DOK6: variants seen among roughly 807,000 people sequenced by gnomAD.
The protein encoded by DOK6 is docking protein 6.
In DOK6, 22 loss-of-function variants were observed where a neutral mutation model predicts 44.0. The observed-to-expected ratio is 0.50, with a 90% confidence interval of 0.36 to 0.71. The LOEUF (loss-of-function observed/expected upper bound fraction) is 0.71, where lower values mean the gene tolerates loss of function less well. Among genes scored for constraint, DOK6 ranks in the 30% least tolerant of loss-of-function variants. The pLI is 0.00. For missense variants in DOK6, 340 were observed against 416.4 expected, an observed-to-expected ratio of 0.82 and a Z score of 1.60; for synonymous variants, 166 against 145.5, an observed-to-expected ratio of 1.14 and a Z score of -1.01.
intron 3 of DOK6, among the ~76,000 whole-genome samples, chr18:69,665,919 A>G (rs911638485): frequency 6.6e-6 from 1 of 151,936 alleles, no homozygotes; most frequent in African/African-American, 2.4e-5. Context: ...CTTTTCCCTG[A>G]ACCATTTCTC....
At chr18:69,539,468 T>A (rs1449185602) in intron 1 of DOK6, among the ~76,000 whole-genome samples, 1 of 19,376 alleles carries the variant, frequency 5.2e-5, no homozygotes, top group African/African-American at 6.9e-5. Context: ...CAAAAACAGC[T>A]TTTTTTTTTT....
chr18:69,541,970 T>C (rs757235696), intron 1 of DOK6, among the ~76,000 whole-genome samples: 1 of 151,128 alleles, frequency 6.6e-6, no homozygotes, highest in Non-Finnish European at 1.5e-5. Context: ...AGAAAGGGAG[T>C]TGACAAGTAG....
chr18:69,539,154 A>G (rs1982200060), intron 1 of DOK6, among the ~76,000 whole-genome samples: 1 of 152,194 alleles, frequency 6.6e-6, no homozygotes, highest in African/African-American at 2.4e-5. Context: ...ATCCTGAAAT[A>G]CAAACATGAT....
rs1983517959 is a variant in DOK6, at chr18:69,586,999, T to A, written c.175-12385T>A. Among the ~76,000 whole-genome samples, 3 of 152,172 alleles carry A rather than the reference T, an allele frequency of 2.0e-5. No individual in the cohort carries two copies. The South Asian group carries it at 6.2e-4, about 32-fold the overall frequency. On this transcript the variant is annotated intron_variant, in intron 2 of 7. Transcript: ENST00000382713. ...AATAAGCAGGGATGTATCCCTTGCT[T>A]TTAAAGAAACAAATATCTTACTGGA...
chr18:69,652,267 A>T (rs924694433), intron 3 of DOK6, among the ~76,000 whole-genome samples: 6 of 152,274 alleles, frequency 3.9e-5, no homozygotes, highest in Non-Finnish European at 8.8e-5. Context: ...TAATATAAAA[A>T]GTACCTATTT....
chr18:69,565,519 GTGTATATA>G (rs1378212620), intron 2 of DOK6, among the ~76,000 whole-genome samples: 1,578 of 5,784 alleles, frequency 0.27, 32 homozygotes, highest in Admixed American at 0.47. Flanking sequence ...GTGTGTGTGT[GTGTATATA>G]TATATACATA....
intron 3 of DOK6, among the ~76,000 whole-genome samples, chr18:69,602,516 G>C (rs1983895902): frequency 6.6e-6 from 1 of 152,152 alleles, no homozygotes; most frequent in African/African-American, 2.4e-5. Context: ...ATGGGATCTT[G>C]AAACCAAAAG....
chr18:69,591,067 A>G (rs4359551), intron 2 of DOK6, among the ~76,000 whole-genome samples: 116,157 of 152,140 alleles, frequency 0.76, 47,335 homozygotes, highest in Non-Finnish European at 0.91. Context: ...GCTCCAAACA[A>G]TAGTAGCAGT....
At chr18:69,717,570 G>C (rs1403125706) in intron 5 of DOK6, among the ~76,000 whole-genome samples, 2 of 152,186 alleles carry the variant, frequency 1.3e-5, no homozygotes, top group African/African-American at 2.4e-5. Context: ...GCTCCAGGGG[G>C]CCACAAAGAG....
intron 1 of DOK6, among the ~76,000 whole-genome samples, chr18:69,429,449 A>G (rs1188807128): frequency 6.6e-6 from 1 of 151,694 alleles, no homozygotes. Context: ...TGGATATTTT[A>G]TATTTCTATC....
intron 3 of DOK6, among the ~76,000 whole-genome samples, chr18:69,648,629 A>G (rs1985144418): frequency 6.6e-6 from 1 of 152,216 alleles, no homozygotes; most frequent in African/African-American, 2.4e-5. Context: ...TAAGTGTACT[A>G]AATATCGTCT....
chr18:69,498,047 C>T (rs568486016), intron 1 of DOK6, among the ~76,000 whole-genome samples: 28 of 152,010 alleles, frequency 1.8e-4, no homozygotes, highest in African/African-American at 5.1e-4. Flanking sequence ...TCTCTCTCCA[C>T]GCACACACAA....
At chr18:69,650,916 T>G (rs1341689770) in intron 3 of DOK6, among the ~76,000 whole-genome samples, 1 of 152,250 alleles carries the variant, frequency 6.6e-6, no homozygotes, top group African/African-American at 2.4e-5. Flanking sequence ...ATTTTATTCA[T>G]TGCAGCATCT....
chr18:69,434,847 G>T (rs1474481524), intron 1 of DOK6, among the ~76,000 whole-genome samples: 1 of 150,744 alleles, frequency 6.6e-6, no homozygotes. Flanking sequence ...GCTTGAACCA[G>T]GGAGGCGGAG....
At chr18:69,577,698 G>C (rs541281580) in intron 2 of DOK6, among the ~76,000 whole-genome samples, 6 of 152,116 alleles carry the variant, frequency 3.9e-5, no homozygotes, top group African/African-American at 1.2e-4. Context: ...AGATGTTCTG[G>C]TTATGAATGG....
intron 7 of DOK6, among the ~76,000 whole-genome samples, chr18:69,761,299 CTATT>C (rs1436406499): frequency 3.3e-5 from 5 of 151,958 alleles, no homozygotes; most frequent in Non-Finnish European, 7.4e-5. Flanking sequence ...TGTTTTCTAT[CTATT>C]AAGAGGCTGC....
At chr18:69,732,235 C>A (rs959272747) in intron 5 of DOK6, among the ~76,000 whole-genome samples, 3 of 152,018 alleles carry the variant, frequency 2.0e-5, no homozygotes, top group African/African-American at 7.2e-5. Flanking sequence ...TGTTAAAATT[C>A]CTGATTGTCA....
At chr18:69,432,047 T>G (rs538871237) in intron 1 of DOK6, among the ~76,000 whole-genome samples, 2 of 152,212 alleles carry the variant, frequency 1.3e-5, no homozygotes, top group South Asian at 4.1e-4. Flanking sequence ...TAACCAAAAA[T>G]AAAAAGAAAA....
In DOK6 at chr18:69,459,109, CA is replaced by C. The variant is rs398033365; in HGVS notation, c.66+57807del. 2.7e-3 allele frequency among the ~76,000 whole-genome samples: 278 copies of C among 103,390 alleles called. 1 individual carries two copies. The highest frequency in any genetic ancestry group is 9.2e-3 in the African/African-American group (237 of 25,884). The allele number at this position is 103,390 out of a possible 152,430, so 67.8% of individuals were successfully genotyped here. A position where few individuals can be genotyped will look rare whatever the true frequency, so the allele number is the denominator to read the frequency against. ...AGACTCCCCCCAACAACCCCCCCCC[CA>C]AAAAAAAGGAAGGAAGGAAGCAGAA... On this transcript the variant is annotated intron_variant, in intron 1 of 7. Coordinates refer to ENST00000382713, the MANE Select transcript of DOK6 (RefSeq NM_152721.6).
Sources: allele counts gnomAD v4.1 joint callset (sites outside exome capture counted in the v4.1 genomes callset), GRCh38; gene constraint gnomAD v4.1.1; transcripts MANE v1.5; gene names NCBI Gene and HGNC (gene_info 2026-07-23, HGNC 2026-07-21).